ZNF705G: variants seen among roughly 807,000 people sequenced by gnomAD.
ZNF705G encodes putative zinc finger protein 705G.
A neutral mutation model predicts 19.6 loss-of-function variants in ZNF705G; 23 were observed. That is an observed-to-expected ratio of 1.17 (90% CI 0.84 to 1.66). The LOEUF (loss-of-function observed/expected upper bound fraction) is 1.66. ZNF705G is among the 40% of genes most tolerant of loss of function. The probability of loss-of-function intolerance (pLI) is 0.00; values close to 1 mark genes in which losing one functional copy is unlikely to be tolerated. For missense variants in ZNF705G, 457 were observed against 354.4 expected, an observed-to-expected ratio of 1.29 and a Z score of -2.32; for synonymous variants, 146 against 117.7, an observed-to-expected ratio of 1.24 and a Z score of -1.56.
chr8:7,375,492 G>A (rs1563300043), intron 2 of ZNF705G, among the ~76,000 whole-genome samples: 1 of 90,568 alleles, frequency 1.1e-5, no homozygotes, highest in Non-Finnish European at 2.1e-5. Context: ...TGAACATACA[G>A]ATTTAGGTCT....
chr8:7,363,158 C>T (rs1240298984), intron 2 of ZNF705G, 141 bp from the exon 3 acceptor site: 26 of 1,197,160 alleles, frequency 2.2e-5, no homozygotes, highest in Non-Finnish European at 2.6e-5. Context: ...ATGCAGAGGC[C>T]TCTCCTCTTT....
rs201024210 is a variant in ZNF705G, at chr8:7,360,427, CAG to C, written c.140-97_140-96del. Reference sequence around the variant, plus strand: ...GCAGGCTATCAAGGAAGAATAAAAACAGTGAAGGTCAGCTCAGGCCACAAGAC... The same window carrying C: ...GCAGGCTATCAAGGAAGAATAAAAACTGAAGGTCAGCTCAGGCCACAAGAC... On this transcript the variant is annotated intron_variant, in intron 4 of 6. Coordinates refer to ENST00000400156, the MANE Select transcript of ZNF705G (RefSeq NM_001164457.3). The C allele has an allele frequency of 3.2e-3, 4,923 of 1,560,124 alleles. 555 individuals carry two copies. The African/African-American group carries it at 0.067, about 21-fold the overall frequency.
chr8:7,360,925 A>G (rs1296869209), intron 4 of ZNF705G, among the ~76,000 whole-genome samples, 185 bp downstream of exon 4: 2 of 149,664 alleles, frequency 1.3e-5, no homozygotes, highest in Non-Finnish European at 2.9e-5. Context: ...CAAACTAAAT[A>G]AAATAAAATA....
rs1319363045 is a variant in ZNF705G, at chr8:7,365,527, C to A, written c.-71-2510G>T. ...CTGAGTAGCTGGGATGACAGGCTTG[C>A]GCCATCGTGCTCGGCTAATTTTGTA... On this transcript the variant is annotated intron_variant, in intron 2 of 6. Transcript: ENST00000400156. Among the ~76,000 whole-genome samples, 19 of 149,154 alleles carry A rather than the reference C, an allele frequency of 1.3e-4. 2 individuals are homozygous for A. The East Asian group carries it at 1.6e-3, about 12-fold the overall frequency.
chr8:7,367,959 G>C (rs1019109716), intron 2 of ZNF705G, among the ~76,000 whole-genome samples: 1 of 149,690 alleles, frequency 6.7e-6, no homozygotes, highest in Non-Finnish European at 1.5e-5. Flanking sequence ...TAAAAAGTTG[G>C]AGGATGCAGT....
At position 7,360,291 on chromosome 8, in the gene ZNF705G, G is replaced by T. The variant is rs993505805; in HGVS notation, c.181C>A (p.Gln61Lys). Residue 61 changes from glutamine to lysine, a missense_variant, in exon 5 of 7, where the codon CAA becomes AAA. Physicochemically the swap from Gln to Lys is moderately conservative, Grantham distance 53 (BLOSUM62 1). Coordinates refer to ENST00000400156, the MANE Select transcript of ZNF705G (RefSeq NM_001164457.3). ...CCTTCCCTCCACAGCTCTTTTCCTTGCTCCAGCTGCAAAATTATATAGGAT... is the reference window on the plus strand; with the variant it reads ...CCTTCCCTCCACAGCTCTTTTCCTTTCTCCAGCTGCAAAATTATATAGGAT... ...SKSYIILQLE[Q>K]GKELWREGRV... 3 of 1,590,902 alleles carry T rather than the reference G, an allele frequency of 1.9e-6. No homozygotes were observed. Among genetic ancestry groups the T allele is most frequent in the Admixed American group, 3.3e-5 (2 of 59,858 alleles).
chr8:7,382,943 C>A (rs1241332610), intron 1 of ZNF705G, among the ~76,000 whole-genome samples: 2 of 147,510 alleles, frequency 1.4e-5, no homozygotes, highest in Non-Finnish European at 2.9e-5. Flanking sequence ...AGCCCTGCGG[C>A]CTTCTGAGTC....
At chr8:7,380,419 T>C (rs1287456958) in intron 2 of ZNF705G, among the ~76,000 whole-genome samples, 4 of 147,570 alleles carry the variant, frequency 2.7e-5, no homozygotes, top group Admixed American at 2.6e-4. Context: ...GTGGTGCCTG[T>C]GCACATTGTC....
At position 7,361,035 on chromosome 8, in the gene ZNF705G, G is replaced by T. The variant is rs1806562614; in HGVS notation, c.139+75C>A. Reference sequence around the variant, plus strand: ...AGAAGAGATTAGAGTGAGATATGGGGAAGCTGTTTTAACACTTATTGAATG... The same window carrying T: ...AGAAGAGATTAGAGTGAGATATGGGTAAGCTGTTTTAACACTTATTGAATG... On this transcript the variant is annotated intron_variant, in intron 4 of 6. Coordinates refer to ENST00000400156, the MANE Select transcript of ZNF705G (RefSeq NM_001164457.3). 3 of 1,590,468 alleles carry T rather than the reference G, an allele frequency of 1.9e-6. No homozygotes were observed. In the East Asian group the frequency reaches 6.7e-5, roughly 35 times the overall value.
At chr8:7,368,840 G>A (rs2128841390) in intron 2 of ZNF705G, among the ~76,000 whole-genome samples, 1 of 149,626 alleles carries the variant, frequency 6.7e-6, no homozygotes, top group South Asian at 2.1e-4. Context: ...ACATTGTTTG[G>A]GCCACCGCTT....
chr8:7,361,559 A>G (rs1806597078), intron 3 of ZNF705G, among the ~76,000 whole-genome samples: 1 of 149,750 alleles, frequency 6.7e-6, no homozygotes, highest in Non-Finnish European at 1.5e-5. Flanking sequence ...CATAAATAAA[A>G]TGAAATTTAC....
chr8:7,369,930 T>G (rs1002631886), intron 2 of ZNF705G, among the ~76,000 whole-genome samples: 1 of 149,144 alleles, frequency 6.7e-6, no homozygotes, highest in South Asian at 2.1e-4. Context: ...AAACTATCTA[T>G]TGGGTATTAT....
rs762209536 is a variant in ZNF705G at position 7,358,207 on chromosome 8, T to C, written c.672A>G (p.Gly224=). ...HLRRHEKTHT[G]QRPYKCHQYG... ...ATTGATGACACTTATATGGTCTCTG[T>C]CCCGTGTGAGTTTTCTCGTGTCTTC... The change falls in exon 7 of 7, where the codon GGA becomes GGG. Residue 224 remains glycine (G), a synonymous_variant. Transcript: ENST00000400156. The C allele has an allele frequency of 9.3e-6, 15 of 1,607,494 alleles. No homozygotes were observed. In the South Asian group the frequency reaches 1.2e-4, roughly 13 times the overall value.
chr8:7,373,171 AT>A, intron 2 of ZNF705G: 4 of 337,408 alleles, frequency 1.2e-5, no homozygotes, highest in East Asian at 8.4e-5. Flanking sequence ...CTTCTTCACC[AT>A]TTTCTTCTTT....
At position 7,383,564 on chromosome 8, in the gene ZNF705G, G is replaced by A. The variant is rs1296784378; in HGVS notation, c.-222+1934C>T. On this transcript the variant is annotated intron_variant, in intron 1 of 6. Coordinates refer to ENST00000400156, the MANE Select transcript of ZNF705G (RefSeq NM_001164457.3). ...AGAGGGAGGAAGGAGGTAAGGAAGT[G>A]CTGTGGCCTGAATGTTTGAATATTT... is the stretch of plus-strand genomic sequence containing the variant. Among the ~76,000 whole-genome samples, 4 of 146,634 alleles carry A rather than the reference G, an allele frequency of 2.7e-5. 1 individual carries two copies. The highest frequency in any genetic ancestry group is 1.1e-4 in the African/African-American group (4 of 36,116).
chr8:7,365,472 G>A lies in ZNF705G; in HGVS notation c.-71-2455C>T, dbSNP rs189955369. 3.7e-4 allele frequency among the ~76,000 whole-genome samples: 54 copies of A among 146,118 alleles called. 3 individuals are homozygous for A. Among genetic ancestry groups the A allele is most frequent in the African/African-American group, 1.4e-3 (52 of 36,614 alleles). On this transcript the variant is annotated intron_variant, in intron 2 of 6. Coordinates refer to ENST00000400156, the MANE Select transcript of ZNF705G (RefSeq NM_001164457.3). Reference sequence around the variant, plus strand: ...CGGCTCACCGCAACCTCCACCTCCCGGGTTCAAGCAATTCTCCAGCCTCAG... The same window carrying A: ...CGGCTCACCGCAACCTCCACCTCCCAGGTTCAAGCAATTCTCCAGCCTCAG...
chr8:7,366,681 A>C (rs1436086814), intron 2 of ZNF705G, among the ~76,000 whole-genome samples: 6 of 149,782 alleles, frequency 4.0e-5, no homozygotes, highest in Admixed American at 3.9e-4. Flanking sequence ...AAAATAATCT[A>C]AGTACTTACC....
chr8:7,380,274 C>T (rs1392565281), intron 2 of ZNF705G, among the ~76,000 whole-genome samples: 1 of 145,802 alleles, frequency 6.9e-6, no homozygotes, highest in Admixed American at 6.6e-5. Context: ...AGAGCACAGG[C>T]CCATCCCACC....
chr8:7,378,857 C>T (rs1453185359), intron 2 of ZNF705G, among the ~76,000 whole-genome samples: 6 of 146,940 alleles, frequency 4.1e-5, no homozygotes, highest in African/African-American at 8.2e-5. Flanking sequence ...TCACAGGAAA[C>T]CTCAATTCCC....
Sources: gnomAD v4.1 joint callset for allele counts (sites outside exome capture counted in the v4.1 genomes callset) on GRCh38, gnomAD v4.1.1 for gene constraint, MANE v1.5 for transcripts, NCBI Gene and HGNC (gene_info 2026-07-23, HGNC 2026-07-21) for gene names.